NTRK3: variants seen among roughly 807,000 people sequenced by gnomAD.
NTRK3 encodes the protein neurotrophic receptor tyrosine kinase 3.
NTRK3 carries 24 observed loss-of-function variants against 91.7 expected under a neutral mutation model. That is an observed-to-expected ratio of 0.26 (90% confidence interval 0.19 to 0.37). The LOEUF (loss-of-function observed/expected upper bound fraction) is 0.37, where lower values mean the gene tolerates loss of function less well. NTRK3 is among the 10% of genes least tolerant of loss of function. The probability of loss-of-function intolerance (pLI) is 1.00; values close to 1 mark genes in which losing one functional copy is unlikely to be tolerated. For synonymous variants in NTRK3, 483 were observed against 404.0 expected, an observed-to-expected ratio of 1.20 and a Z score of -2.34; for missense variants, 880 against 1,068.9, an observed-to-expected ratio of 0.82 and a Z score of 2.46.
chr15:88,161,729 A>G (rs2044473198), intron 5 of NTRK3, among the ~76,000 whole-genome samples: 1 of 152,174 alleles, frequency 6.6e-6, no homozygotes, highest in Non-Finnish European at 1.5e-5. Context: ...CACAGTGACA[A>G]ATCAGGGCTG....
intron 14 of NTRK3, among the ~76,000 whole-genome samples, chr15:88,000,011 T>C (rs2075985557): frequency 1.3e-5 from 2 of 152,210 alleles, no homozygotes; most frequent in Admixed American, 1.3e-4. Flanking sequence ...TTATCAGACT[T>C]CTTAATGCTA....
At chr15:88,041,328 G>A (rs1272105273) in intron 13 of NTRK3, among the ~76,000 whole-genome samples, 1 of 152,192 alleles carries the variant, frequency 6.6e-6, no homozygotes, top group Non-Finnish European at 1.5e-5. Flanking sequence ...GGGTTGGGGG[G>A]CAGCAATCTC....
intron 13 of NTRK3, among the ~76,000 whole-genome samples, chr15:88,051,056 A>G (rs2080780125): frequency 6.6e-6 from 1 of 152,218 alleles, no homozygotes; most frequent in African/African-American, 2.4e-5. Context: ...TGGGTTTGAC[A>G]TTCAAAGACC....
chr15:88,242,331 A>T (rs2052437217), intron 3 of NTRK3, among the ~76,000 whole-genome samples: 1 of 152,222 alleles, frequency 6.6e-6, no homozygotes, highest in South Asian at 2.1e-4. Flanking sequence ...CAGTCTTGAC[A>T]ACTCACTCTA....
chr15:88,191,159 T>G (rs994644448), intron 3 of NTRK3, among the ~76,000 whole-genome samples: 1 of 136,532 alleles, frequency 7.3e-6, no homozygotes, highest in Admixed American at 8.0e-5. Flanking sequence ...AAGCTGATGT[T>G]TCCCGTGTGT....
Position 88,236,068 on chromosome 15 carries a change from A to AGT in NTRK3, c.248+19837_248+19838insAC, listed in dbSNP as rs1269068005. 6.6e-5 allele frequency among the ~76,000 whole-genome samples: 10 copies of AGT among 152,354 alleles called. No individual in the cohort carries two copies. The East Asian group carries it at 1.3e-3, about 21-fold the overall frequency. On this transcript the variant is annotated intron_variant, in intron 3 of 18. Coordinates refer to ENST00000394480, the Ensembl canonical transcript of NTRK3. ...TTATAAAGTTAAACATAAATTTATC[A>AGT]GACATCCCAGAAATTTCACTCCTGG...
At chr15:88,176,323 G>C (rs774578876) in intron 5 of NTRK3, among the ~76,000 whole-genome samples, 11 of 151,972 alleles carry the variant, frequency 7.2e-5, no homozygotes, top group Non-Finnish European at 1.6e-4. Context: ...TTTTAGTAGA[G>C]ACGGGGTTTC....
In NTRK3 at chr15:88,093,644, G is replaced by T. The variant is rs187828; in HGVS notation, c.1396+32627C>A. 2.0e-5 allele frequency among the ~76,000 whole-genome samples: 3 copies of T among 152,160 alleles called. No individual in the cohort carries two copies. In the South Asian group the frequency reaches 6.2e-4, roughly 31 times the overall value. On this transcript the variant is annotated intron_variant, in intron 13 of 18. Coordinates refer to ENST00000394480, the Ensembl canonical transcript of NTRK3. ...TGATGCACCTGATCATTGTTATGAA[G>T]AACATGTGGTCTGATCCCTGAATCA...
chr15:88,110,589 G>A (rs2051232537), intron 13 of NTRK3, among the ~76,000 whole-genome samples: 1 of 152,168 alleles, frequency 6.6e-6, no homozygotes, highest in Non-Finnish European at 1.5e-5. Flanking sequence ...GACATGAGTG[G>A]TACTGCAGTG....
At chr15:88,091,730 C>T (rs547075352) in intron 13 of NTRK3, among the ~76,000 whole-genome samples, 17 of 152,194 alleles carry the variant, frequency 1.1e-4, no homozygotes, top group Non-Finnish European at 2.2e-4. Flanking sequence ...AGATGACACA[C>T]ATCTGACCCA....
chr15:87,873,404 G>A (rs937447931), exon 19 of NTRK3: 5 of 230,340 alleles, frequency 2.2e-5, no homozygotes, highest in African/African-American at 8.9e-5. Flanking sequence ...AGAAGAATTG[G>A]GAGGTCCCAT....
intron 8 of NTRK3, 47 bp downstream of exon 8, chr15:88,136,419 GT>G (rs1196881919): frequency 5.6e-6 from 9 of 1,613,150 alleles, no homozygotes; most frequent in Admixed American, 1.7e-5. Context: ...AGACTACAGT[GT>G]GATCACTCCC....
At chr15:88,238,986 C>T (rs1020856920) in intron 3 of NTRK3, among the ~76,000 whole-genome samples, 10 of 152,228 alleles carry the variant, frequency 6.6e-5, no homozygotes, top group African/African-American at 2.2e-4. Flanking sequence ...CAGTTCTCCA[C>T]TCAGACAGTG....
intron 17 of NTRK3, chr15:87,926,727 C>T (rs1260369682): frequency 6.6e-6 from 1 of 152,186 alleles, no homozygotes; most frequent in Non-Finnish European, 1.5e-5. Context: ...ATTAACAGCA[C>T]ATCTAGAAGC....
chr15:88,175,577 T>C (rs1488095159), intron 5 of NTRK3, among the ~76,000 whole-genome samples: 1 of 152,236 alleles, frequency 6.6e-6, no homozygotes, highest in Non-Finnish European at 1.5e-5. Context: ...AGAATATCAA[T>C]TTTAGATGAT....
intron 10 of NTRK3, among the ~76,000 whole-genome samples, chr15:88,133,839 C>T (rs2041620311): frequency 6.6e-6 from 1 of 152,218 alleles, no homozygotes; most frequent in African/African-American, 2.4e-5. Flanking sequence ...TGCACATTCT[C>T]AACTGCCTCC....
chr15:88,124,724 G>A (rs1356601633), intron 13 of NTRK3, among the ~76,000 whole-genome samples: 6 of 152,142 alleles, frequency 3.9e-5, no homozygotes, highest in East Asian at 1.9e-4. Context: ...GCCTTGTTTG[G>A]CATGTTGTGT....
At chr15:88,223,403 C>A (rs1401778171) in intron 3 of NTRK3, among the ~76,000 whole-genome samples, 1 of 152,194 alleles carries the variant, frequency 6.6e-6, no homozygotes, top group Admixed American at 6.5e-5. Flanking sequence ...CGCTCAGAGG[C>A]AGAAGGAGCA....
intron 17 of NTRK3, among the ~76,000 whole-genome samples, chr15:87,926,212 G>C (rs2068294140): frequency 6.6e-6 from 1 of 152,182 alleles, no homozygotes; most frequent in African/African-American, 2.4e-5. Context: ...GGTTCATTTT[G>C]ATGTGACTTC....
Sources: gnomAD v4.1 joint callset for allele counts (sites outside exome capture counted in the v4.1 genomes callset) on GRCh38, gnomAD v4.1.1 for gene constraint, MANE v1.5 for transcripts, NCBI Gene and HGNC (gene_info 2026-07-23, HGNC 2026-07-21) for gene names.